OSMR: variants seen among roughly 807,000 people sequenced by gnomAD.
OSMR encodes the protein oncostatin M receptor, also known as oncostatin-M-specific receptor subunit beta.
OSMR carries 81 observed loss-of-function variants against 99.9 expected under a neutral mutation model. The ratio of observed to expected loss-of-function variants is 0.81; its 90% CI spans 0.68 to 0.97. OSMR has a LOEUF of 0.97. Ranked by LOEUF, OSMR falls within the 50% of genes least tolerant of loss-of-function variation. The pLI, the probability that OSMR is intolerant of heterozygous loss-of-function variation, is 0.00. For synonymous variants in OSMR, 406 were observed against 410.4 expected (o/e 0.99, Z 0.13); for missense variants, 1,099 against 1,153.4 (o/e 0.95, Z 0.68).
chr5:38,887,000 T>A (rs1270092814), intron 7 of OSMR, among the ~76,000 whole-genome samples: 1 of 152,192 alleles, frequency 6.6e-6, no homozygotes, highest in Non-Finnish European at 1.5e-5. Flanking sequence ...TTTGTATTAT[T>A]GCCAATTAAA....
intron 2 of OSMR, among the ~76,000 whole-genome samples, chr5:38,870,140 T>A (rs991539575): frequency 2.0e-5 from 3 of 152,154 alleles, no homozygotes; most frequent in African/African-American, 7.2e-5. Flanking sequence ...AAGACACTAC[T>A]ATGCTGTTTC....
At chr5:38,871,892 T>C (rs1742414280) in intron 2 of OSMR, among the ~76,000 whole-genome samples, 2 of 152,220 alleles carry the variant, frequency 1.3e-5, no homozygotes, top group African/African-American at 4.8e-5. Context: ...GACAATGGTT[T>C]ATTTCCTTGA....
intron 3 of OSMR, 54 bp downstream of exon 3, chr5:38,876,427 C>G (rs760705813): frequency 6.9e-7 from 1 of 1,442,514 alleles, no homozygotes; most frequent in Non-Finnish European, 9.7e-7. Flanking sequence ...AAAAAGACAC[C>G]TTGGTTTTCT....
At chr5:38,846,656 C>G (rs559459394) in intron 1 of OSMR, among the ~76,000 whole-genome samples, 1 of 152,300 alleles carries the variant, frequency 6.6e-6, no homozygotes, top group East Asian at 1.9e-4. Context: ...ATCTCTCCCA[C>G]CTGGTCCCTA....
At chr5:38,860,652 A>T (rs1302805763) in intron 1 of OSMR, among the ~76,000 whole-genome samples, 1 of 151,978 alleles carries the variant, frequency 6.6e-6, no homozygotes, top group African/African-American at 2.4e-5. Context: ...GTTAGTTCTT[A>T]GTAAGTTTGG....
At chr5:38,867,081 C>T (rs1282488242) in intron 1 of OSMR, among the ~76,000 whole-genome samples, 1 of 151,986 alleles carries the variant, frequency 6.6e-6, no homozygotes, top group Non-Finnish European at 1.5e-5. Context: ...GAGGTGAGTG[C>T]CCCGTCCCTC....
rs1742814301 is a variant in OSMR at position 38,876,206 on chromosome 5, G to A, written c.79G>A (p.Ala27Thr). The change falls in exon 3 of 18, where the codon GCT becomes ACT. Residue 27 changes from alanine (A) to threonine (T), a missense_variant. Coordinates refer to ENST00000274276, the MANE Select transcript of OSMR (RefSeq NM_003999.3). The stretch of plus-strand genomic sequence containing the variant: ...CTTCATTTTGATCTTTTCAGTCTTG[G>A]CTGAACGTTTACCATTGACTCCTGT... ...SLRTYQSEVL[A>T]ERLPLTPVSL... is the part of the protein sequence containing the mutation. 4 of 1,611,786 alleles carry A rather than the reference G, an allele frequency of 2.5e-6. No individual in the cohort carries two copies. Among genetic ancestry groups the A allele is most frequent in the Non-Finnish European group, 2.5e-6 (3 of 1,178,194 alleles).
At chr5:38,894,525 C>G (rs1173608428) in intron 7 of OSMR, among the ~76,000 whole-genome samples, 1 of 151,004 alleles carries the variant, frequency 6.6e-6, no homozygotes, top group Non-Finnish European at 1.5e-5. Flanking sequence ...AATGGAAAAC[C>G]AAAAAGAGCA....
At chr5:38,919,199 T>C (rs1465813067) in intron 11 of OSMR, 137 bp downstream of exon 11, 2 of 1,539,074 alleles carry the variant, frequency 1.3e-6, no homozygotes, top group Non-Finnish European at 1.7e-6. Context: ...CATTTTCTTT[T>C]GGGCCAGGTG....
At chr5:38,907,276 C>T (rs1745302132) in intron 9 of OSMR, among the ~76,000 whole-genome samples, 1 of 152,212 alleles carries the variant, frequency 6.6e-6, no homozygotes, top group Non-Finnish European at 1.5e-5. Flanking sequence ...GAACAGGCGG[C>T]CTGCCCCTGC....
chr5:38,935,582 C>T lies in OSMR; in HGVS notation c.*2138C>T, dbSNP rs1746978520. On this transcript the variant is annotated 3_prime_UTR_variant, in exon 18 of 18. Coordinates refer to ENST00000274276, the MANE Select transcript of OSMR (RefSeq NM_003999.3). Reference sequence around the variant, plus strand: ...AGTTTTGTTTAAAAAATAATTCACGCAAAATCTTGAAGTCATTTTTGCTAT... The same window carrying T: ...AGTTTTGTTTAAAAAATAATTCACGTAAAATCTTGAAGTCATTTTTGCTAT... The T allele has an allele frequency of 1.3e-5, 2 of 152,142 alleles. No individual in the cohort carries two copies. Among genetic ancestry groups the T allele is most frequent in the South Asian group, 4.1e-4 (2 of 4,826 alleles). The allele number at this position is 152,142 out of a possible 1,614,324, so 9.4% of individuals were successfully genotyped here. A position where few individuals can be genotyped will look rare whatever the true frequency, so the allele number is the denominator to read the frequency against.
At chr5:38,859,998 T>A (rs1262522774) in intron 1 of OSMR, among the ~76,000 whole-genome samples, 1 of 152,210 alleles carries the variant, frequency 6.6e-6, no homozygotes, top group African/African-American at 2.4e-5. Context: ...GGTTTTTATA[T>A]ATACAAGATC....
rs762404884 is a variant in OSMR at position 38,932,450 on chromosome 5, CT to C, written c.2295-5del. ...ACTGTGAAATTCAGTCTCATTTTCGCTTTTTTTTCTAGGATCAAGGAGACCT... is the reference window on the plus strand; with the variant it reads ...ACTGTGAAATTCAGTCTCATTTTCGCTTTTTTTCTAGGATCAAGGAGACCT... On this transcript the variant is annotated splice_polypyrimidine_tract_variant and intron_variant, in intron 16 of 17. Transcript: ENST00000274276. 1.2e-6 allele frequency: 2 copies of C among 1,606,614 alleles called. No homozygotes were observed. Among genetic ancestry groups the C allele is most frequent in the Admixed American group, 1.7e-5 (1 of 59,956 alleles).
chr5:38,912,913 A>T (rs2112596928), intron 9 of OSMR, among the ~76,000 whole-genome samples: 1 of 152,320 alleles, frequency 6.6e-6, no homozygotes, highest in East Asian at 1.9e-4. Flanking sequence ...TTCACCATGT[A>T]GAAAAAATTA....
At chr5:38,863,471 A>C (rs1741678155) in intron 1 of OSMR, among the ~76,000 whole-genome samples, 1 of 152,124 alleles carries the variant, frequency 6.6e-6, no homozygotes, top group Non-Finnish European at 1.5e-5. Flanking sequence ...AGGGAGGCAG[A>C]GGTTGCAGTG....
intron 7 of OSMR, among the ~76,000 whole-genome samples, chr5:38,900,989 C>T (rs771412855): frequency 1.4e-4 from 21 of 152,224 alleles, no homozygotes; most frequent in Non-Finnish European, 2.2e-4. Flanking sequence ...ACAGAGGATT[C>T]CTTAATCAGT....
In OSMR at chr5:38,875,838, AT is replaced by A. The variant is rs752913519; in HGVS notation, c.74-362del. Reference sequence around the variant, plus strand: ...TTCAAAAAGGAAACTTTCATTTCTGATGTTCAGAAATGTAACATTTCCATCA... The same window carrying A: ...TTCAAAAAGGAAACTTTCATTTCTGAGTTCAGAAATGTAACATTTCCATCA... On this transcript the variant is annotated intron_variant, in intron 2 of 17. Coordinates refer to ENST00000274276, the MANE Select transcript of OSMR (RefSeq NM_003999.3). 4.1e-4 allele frequency among the ~76,000 whole-genome samples: 62 copies of A among 152,312 alleles called. 1 individual carries two copies. The highest frequency in any genetic ancestry group is 3.4e-3 in the Middle Eastern group (1 of 294).
downstream of OSMR, among the ~76,000 whole-genome samples, chr5:38,936,228 C>T (rs995825463): frequency 2.0e-5 from 3 of 152,134 alleles, no homozygotes; most frequent in South Asian, 4.1e-4. Flanking sequence ...CACCCCTGTT[C>T]GCTTTCTCCT....
chr5:38,926,727 G>GCCCCTT (rs1291796095), intron 15 of OSMR, among the ~76,000 whole-genome samples: 3 of 152,070 alleles, frequency 2.0e-5, no homozygotes, highest in Non-Finnish European at 2.9e-5. Flanking sequence ...TCCACTCCTG[G>GCCCCTT]CCCCTTCCAA....
Sources: gnomAD v4.1 joint callset for allele counts (sites outside exome capture counted in the v4.1 genomes callset) on GRCh38, gnomAD v4.1.1 for gene constraint, MANE v1.5 for transcripts, NCBI Gene and HGNC (gene_info 2026-07-23, HGNC 2026-07-21) for gene names.